TYW1B: variants seen among roughly 807,000 people sequenced by gnomAD.
TYW1B encodes the protein S-adenosyl-L-methionine-dependent tRNA 4-demethylwyosine synthase TYW1B.
A neutral mutation model predicts 86.9 loss-of-function variants in TYW1B; 73 were observed. That is an observed-to-expected ratio of 0.84 (90% confidence interval 0.70 to 1.02). TYW1B has a LOEUF of 1.02. Among genes scored for constraint, TYW1B ranks in the 50% least tolerant of loss-of-function variants. The pLI is 0.00. For synonymous variants in TYW1B, 248 were observed against 292.8 expected (o/e 0.85, Z 1.56); for missense variants, 637 against 827.4 (o/e 0.77, Z 2.82).
chr7:72,749,254 G>A (rs1192984269), intron 7 of TYW1B, among the ~76,000 whole-genome samples: 1 of 152,148 alleles, frequency 6.6e-6, no homozygotes, highest in Non-Finnish European at 1.5e-5. Context: ...AATGGCTGCA[G>A]GACCTGTAAT....
At chr7:72,609,392 C>T (rs1811877609) in intron 13 of TYW1B, among the ~76,000 whole-genome samples, 1 of 151,892 alleles carries the variant, frequency 6.6e-6, no homozygotes, top group Non-Finnish European at 1.5e-5. Flanking sequence ...GACCCGATCT[C>T]AATAACAAAT....
chr7:72,819,457 A>C (rs1788787694), intron 2 of TYW1B, among the ~76,000 whole-genome samples: 1 of 148,266 alleles, frequency 6.7e-6, no homozygotes, highest in Non-Finnish European at 1.5e-5. Context: ...TTTTGAGAGA[A>C]GGTCTCACTC....
At chr7:72,696,000 G>A (rs1554451425) in intron 10 of TYW1B, among the ~76,000 whole-genome samples, 2 of 143,812 alleles carry the variant, frequency 1.4e-5, no homozygotes, top group African/African-American at 5.2e-5. Context: ...CCAGGCTAGA[G>A]TACAGTGGTG....
intron 10 of TYW1B, among the ~76,000 whole-genome samples, chr7:72,706,353 G>C (rs543544741): frequency 1.3e-5 from 2 of 151,054 alleles, no homozygotes; most frequent in Admixed American, 6.6e-5. Flanking sequence ...CTTGAACCCG[G>C]GAAGTGGAGG....
At chr7:72,736,079 C>T (rs13310925) in intron 8 of TYW1B, among the ~76,000 whole-genome samples, 1 of 152,114 alleles carries the variant, frequency 6.6e-6, no homozygotes, top group Admixed American at 6.6e-5. Flanking sequence ...ACTTCTGCCA[C>T]GAGAATACAC....
chr7:72,592,351 A>G (rs1320385307), intron 13 of TYW1B, among the ~76,000 whole-genome samples: 1 of 152,150 alleles, frequency 6.6e-6, no homozygotes, highest in Non-Finnish European at 1.5e-5. Context: ...AAACTTTAGA[A>G]TGTTAAATGC....
At chr7:72,744,054 GA>G (rs782077987) in intron 8 of TYW1B, among the ~76,000 whole-genome samples, 137 of 151,752 alleles carry the variant, frequency 9.0e-4, no homozygotes, top group Non-Finnish European at 3.5e-4. Context: ...AAGATAAACT[GA>G]AAAGCCTCCA....
intron 13 of TYW1B, among the ~76,000 whole-genome samples, chr7:72,598,674 G>T (rs1362736237): frequency 6.6e-6 from 1 of 152,198 alleles, no homozygotes; most frequent in Non-Finnish European, 1.5e-5. Context: ...GTAAGAGTGG[G>T]CTACTCAACT....
intron 7 of TYW1B, chr7:72,769,072 C>A: frequency 2.6e-6 from 1 of 379,176 alleles, no homozygotes; most frequent in Non-Finnish European, 5.1e-6. Context: ...GCAAGGAACA[C>A]GGAGGCTAGT....
chr7:72,587,955 A>G (rs1176719046), intron 13 of TYW1B, among the ~76,000 whole-genome samples: 1 of 152,182 alleles, frequency 6.6e-6, no homozygotes, highest in African/African-American at 2.4e-5. Flanking sequence ...TGGTTTCATT[A>G]CAGTGGTATC....
intron 13 of TYW1B, among the ~76,000 whole-genome samples, chr7:72,588,816 CT>C (rs200351946): frequency 1.2e-3 from 168 of 143,406 alleles, no homozygotes; most frequent in Non-Finnish European, 1.1e-3. Context: ...AAGACTTGCA[CT>C]TTTTTTTTTT....
chr7:72,580,655 G>A (rs1298986008), intron 13 of TYW1B, among the ~76,000 whole-genome samples: 1 of 152,070 alleles, frequency 6.6e-6, no homozygotes, highest in Non-Finnish European at 1.5e-5. Context: ...CTTTCACACA[G>A]GGAGAATTTC....
At chr7:72,821,063 C>T (rs1554480374) in intron 2 of TYW1B, among the ~76,000 whole-genome samples, 1 of 152,218 alleles carries the variant, frequency 6.6e-6, no homozygotes, top group Non-Finnish European at 1.5e-5. Flanking sequence ...ACCTCTGCCT[C>T]CCGGGTTCAA....
At chr7:72,727,046 C>T (rs531292477) in intron 9 of TYW1B, among the ~76,000 whole-genome samples, 1 of 152,234 alleles carries the variant, frequency 6.6e-6, no homozygotes, top group South Asian at 2.1e-4. Context: ...ATTACCTCCA[C>T]CGGTCTCTCT....
chr7:72,707,818 T>C (rs1350035962), intron 10 of TYW1B, among the ~76,000 whole-genome samples: 3 of 152,170 alleles, frequency 2.0e-5, no homozygotes, highest in East Asian at 3.8e-4. Flanking sequence ...TAATGCTCAA[T>C]GTTGGAGGAG....
At chr7:72,792,096 G>C (rs1323812487) in intron 6 of TYW1B, among the ~76,000 whole-genome samples, 1 of 152,118 alleles carries the variant, frequency 6.6e-6, no homozygotes, top group African/African-American at 2.4e-5. Context: ...TTGGGAGACC[G>C]AGGCGGGTGA....
intron 13 of TYW1B, among the ~76,000 whole-genome samples, chr7:72,595,755 A>C (rs1554432452): frequency 6.6e-6 from 1 of 152,198 alleles, no homozygotes; most frequent in East Asian, 1.9e-4. Context: ...AAAATACTTC[A>C]AATTAAATTT....
chr7:72,726,485 C>A (rs1787000857), intron 9 of TYW1B, among the ~76,000 whole-genome samples: 3 of 151,810 alleles, frequency 2.0e-5, no homozygotes, highest in Admixed American at 2.0e-4. Context: ...GCCTCAGCCC[C>A]CCGAGTAGCT....
At chr7:72,751,212 AT>A (rs1787495007) in intron 7 of TYW1B, among the ~76,000 whole-genome samples, 1 of 151,926 alleles carries the variant, frequency 6.6e-6, no homozygotes, top group Non-Finnish European at 1.5e-5. Context: ...TGATTTTTGT[AT>A]TTTTAGTGGA....
Sources: gnomAD v4.1 joint callset for allele counts (sites outside exome capture counted in the v4.1 genomes callset) on GRCh38, gnomAD v4.1.1 for gene constraint, MANE v1.5 for transcripts, NCBI Gene and HGNC (gene_info 2026-07-23, HGNC 2026-07-21) for gene names.